The following PCDH11Y variants were observed in gnomAD, a reference collection of about 807,000 sequenced individuals.
PCDH11Y encodes the protein protocadherin 11 Y-linked.
For missense variants in PCDH11Y, 12 were observed against 224.8 expected, an observed-to-expected ratio of 0.05 and a Z score of 6.05; for synonymous variants, 9 against 83.6, an observed-to-expected ratio of 0.11 and a Z score of 4.87.
At chrY:5,292,768 C>A in intron 2 of PCDH11Y, among the ~76,000 whole-genome samples, 1 of 33,062 alleles carries the variant, frequency 3.0e-5, no homozygotes, top group Non-Finnish European at 7.5e-5. Flanking sequence ...TTATTAATTT[C>A]TTTTCTTCTA....
chrY:5,695,076 TACAC>T (rs563664942), intron 4 of PCDH11Y, among the ~76,000 whole-genome samples: 13 of 24,846 alleles, frequency 5.2e-4, no homozygotes, highest in Admixed American at 7.9e-4. Context: ...ACCTGGTGTA[TACAC>T]ACACACACAC....
intron 4 of PCDH11Y, among the ~76,000 whole-genome samples, chrY:5,718,268 G>A: frequency 2.1e-4 from 7 of 33,052 alleles, no homozygotes; most frequent in South Asian, 2.1e-3. Context: ...ATAACATGAA[G>A]GATAAATGCT....
At chrY:5,323,703 G>C in intron 2 of PCDH11Y, among the ~76,000 whole-genome samples, 2 of 33,729 alleles carry the variant, frequency 5.9e-5, no homozygotes, top group African/African-American at 2.3e-4. Context: ...TTTTCTGTTA[G>C]AATTATCTAT....
chrY:5,383,644 G>T, intron 2 of PCDH11Y, among the ~76,000 whole-genome samples: 6 of 33,212 alleles, frequency 1.8e-4, no homozygotes, highest in Non-Finnish European at 3.0e-4. Context: ...TTTTGAAACA[G>T]AGTCTAGCTC....
At chrY:5,243,418 A>G in intron 2 of PCDH11Y, among the ~76,000 whole-genome samples, 2 of 29,474 alleles carry the variant, frequency 6.8e-5, no homozygotes, top group Admixed American at 5.6e-4. Flanking sequence ...ATCAGAAAAA[A>G]CTTTATGCTA....
chrY:5,202,668 G>A (rs2571906), intron 2 of PCDH11Y, among the ~76,000 whole-genome samples: 1 of 32,832 alleles, frequency 3.0e-5, no homozygotes, highest in South Asian at 7.0e-4. Context: ...TTCCCAGTCC[G>A]TTCTTTTCCA....
chrY:5,731,349 TC>T, intron 4 of PCDH11Y, among the ~76,000 whole-genome samples: 1 of 32,846 alleles, frequency 3.0e-5, no homozygotes, highest in East Asian at 8.1e-4. Flanking sequence ...CCTGATTCAA[TC>T]TTGGGCGATT....
intron 2 of PCDH11Y, among the ~76,000 whole-genome samples, chrY:5,124,667 A>C: frequency 3.1e-5 from 1 of 32,056 alleles, no homozygotes; most frequent in Non-Finnish European, 7.6e-5. Context: ...GTTGTTTTAT[A>C]TATAACCTAT....
At chrY:5,359,063 A>T in intron 2 of PCDH11Y, among the ~76,000 whole-genome samples, 2 of 29,704 alleles carry the variant, frequency 6.7e-5, no homozygotes, top group Admixed American at 3.3e-4. Flanking sequence ...AAAAAAAAAA[A>T]AAAAGATGAG....
intron 2 of PCDH11Y, among the ~76,000 whole-genome samples, chrY:5,228,101 A>G: frequency 4.0e-5 from 1 of 24,804 alleles, no homozygotes; most frequent in South Asian, 1.1e-3. Flanking sequence ...TATGGCTTCA[A>G]TCTCATTACT....
intron 2 of PCDH11Y, among the ~76,000 whole-genome samples, chrY:5,301,927 C>T: frequency 3.6e-5 from 1 of 27,802 alleles, no homozygotes. Context: ...CCCGAGCAGA[C>T]GTAAGGAAAT....
intron 2 of PCDH11Y, among the ~76,000 whole-genome samples, chrY:5,205,564 A>AATAT (rs1366181675): frequency 4.4e-5 from 1 of 22,618 alleles, no homozygotes; most frequent in Non-Finnish European, 9.8e-5. Context: ...ATATACACTG[A>AATAT]ATATATATAT....
chrY:5,588,950 A>G (rs1602947218), intron 4 of PCDH11Y, among the ~76,000 whole-genome samples: 2 of 31,536 alleles, frequency 6.3e-5, no homozygotes, highest in African/African-American at 2.5e-4. Flanking sequence ...CTCTTTCTCT[A>G]CCTCCTCTTT....
chrY:5,434,857 T>G, intron 2 of PCDH11Y, among the ~76,000 whole-genome samples: 1 of 32,981 alleles, frequency 3.0e-5, no homozygotes, highest in East Asian at 8.0e-4. Context: ...TTACAGCCTG[T>G]AAGGGGTCCA....
chrY:5,685,152 T>C (rs2053562140), intron 4 of PCDH11Y, among the ~76,000 whole-genome samples: 1 of 30,842 alleles, frequency 3.2e-5, no homozygotes, highest in Non-Finnish European at 7.9e-5. Context: ...ACAATATGCT[T>C]AGTTCATATT....
intron 4 of PCDH11Y, among the ~76,000 whole-genome samples, chrY:5,688,356 C>G: frequency 3.3e-5 from 1 of 30,482 alleles, no homozygotes; most frequent in African/African-American, 1.3e-4. Context: ...GAGCCATGGG[C>G]AATGACTTAA....
chrY:5,642,929 G>T, intron 4 of PCDH11Y, among the ~76,000 whole-genome samples: 1 of 33,181 alleles, frequency 3.0e-5, no homozygotes, highest in Non-Finnish European at 7.4e-5. Flanking sequence ...CAGAGATAGA[G>T]GTTTTGCAGC....
At chrY:5,076,660 A>T in intron 1 of PCDH11Y, among the ~76,000 whole-genome samples, 3 of 33,395 alleles carry the variant, frequency 9.0e-5, no homozygotes, top group Non-Finnish European at 2.2e-4. Context: ...AGCACCATTT[A>T]TTGAAGAGAT....
At chrY:5,314,375 C>T (rs2053105150) in intron 2 of PCDH11Y, among the ~76,000 whole-genome samples, 1 of 29,090 alleles carries the variant, frequency 3.4e-5, no homozygotes, top group Non-Finnish European at 8.0e-5. Flanking sequence ...TCTCAAACTC[C>T]TGACCTCAGG....
Sources: allele counts gnomAD v4.1 joint callset (sites outside exome capture counted in the v4.1 genomes callset), GRCh38; gene constraint gnomAD v4.1.1; transcripts MANE v1.5; gene names NCBI Gene and HGNC (gene_info 2026-07-23, HGNC 2026-07-21).